Variants in PPDPFL observed in about 807,000 individuals in gnomAD.
The protein encoded by PPDPFL is pancreatic progenitor cell differentiation and proliferation factor-like protein.
In PPDPFL, 12 loss-of-function variants were observed where a neutral mutation model predicts 12.6. That is an observed-to-expected ratio of 0.95 (90% CI 0.61 to 1.54). The LOEUF (loss-of-function observed/expected upper bound fraction) is 1.54. Ranked by LOEUF, PPDPFL falls within the 40% of genes most tolerant of loss-of-function variation. The pLI is 0.00. For synonymous variants in PPDPFL, 24 were observed against 32.7 expected (o/e 0.73, Z 0.91); for missense variants, 114 against 96.0 (o/e 1.19, Z -0.78).
intron 1 of PPDPFL, among the ~76,000 whole-genome samples, chr8:49,058,326 G>C (rs1484084613): frequency 1.3e-5 from 2 of 152,168 alleles, no homozygotes; most frequent in Non-Finnish European, 2.9e-5. Flanking sequence ...GCAGTTCTGG[G>C]ATTTGTTGTT....
At position 49,075,193 on chromosome 8, in the gene PPDPFL, C is replaced by A; in HGVS notation, c.*20C>A. On this transcript the variant is annotated 3_prime_UTR_variant, in exon 5 of 5. Coordinates refer to ENST00000522267, the MANE Select transcript of PPDPFL (RefSeq NM_001256597.2). ...TTGTAGCTGATCATCTTTGCACTGCCATTTGATGAACATGTTGGTAACGGT... is the reference window on the plus strand; with the variant it reads ...TTGTAGCTGATCATCTTTGCACTGCAATTTGATGAACATGTTGGTAACGGT... The A allele has an allele frequency of 6.2e-7, 1 of 1,613,828 alleles. No individual in the cohort carries two copies. Among genetic ancestry groups the A allele is most frequent in the Non-Finnish European group, 8.5e-7 (1 of 1,179,786 alleles).
chr8:49,060,932 G>C (rs1282391191), intron 1 of PPDPFL, among the ~76,000 whole-genome samples: 1 of 152,102 alleles, frequency 6.6e-6, no homozygotes, highest in South Asian at 2.1e-4. Flanking sequence ...ATTTGAACAG[G>C]TGATGCTCAA....
At chr8:49,059,774 C>G (rs1808168071) in intron 1 of PPDPFL, among the ~76,000 whole-genome samples, 1 of 152,174 alleles carries the variant, frequency 6.6e-6, no homozygotes, top group African/African-American at 2.4e-5. Context: ...GATCTTGTTA[C>G]ATAAAACTAT....
At chr8:49,060,766 A>T (rs1421227286) in intron 1 of PPDPFL, among the ~76,000 whole-genome samples, 1 of 152,260 alleles carries the variant, frequency 6.6e-6, no homozygotes, top group Non-Finnish European at 1.5e-5. Flanking sequence ...AATAAAAATG[A>T]ATCAAAATTG....
At chr8:49,059,402 A>C (rs151038093) in intron 1 of PPDPFL, among the ~76,000 whole-genome samples, 260 of 152,274 alleles carry the variant, frequency 1.7e-3, no homozygotes, top group African/African-American at 6.0e-3. Flanking sequence ...AAAACCTCAA[A>C]ATACTTATAC....
chr8:49,074,652 C>T, intron 4 of PPDPFL: 3 of 1,522,372 alleles, frequency 2.0e-6, no homozygotes, highest in South Asian at 2.4e-5. Flanking sequence ...TTGCTCATAC[C>T]TTCAGGAAAA....
intron 1 of PPDPFL, among the ~76,000 whole-genome samples, chr8:49,065,011 G>A (rs1013191466): frequency 6.6e-5 from 10 of 152,118 alleles, no homozygotes; most frequent in Admixed American, 3.3e-4. Flanking sequence ...TATATTGACC[G>A]TTACTCAGAG....
At chr8:49,070,694 C>T (rs1017130388), upstream of PPDPFL, among the ~76,000 whole-genome samples, 4 of 151,992 alleles carry the variant, frequency 2.6e-5, no homozygotes, top group Non-Finnish European at 2.9e-5. Context: ...AAAGGAAGGA[C>T]GGTCAGGTGA....
intron 1 of PPDPFL, among the ~76,000 whole-genome samples, chr8:49,063,115 AC>A (rs1453731301): frequency 2.0e-5 from 3 of 152,228 alleles, no homozygotes; most frequent in Non-Finnish European, 4.4e-5. Context: ...TGTCATCATG[AC>A]ATGCTTGTTA....
chr8:49,072,930 A>C, intron 2 of PPDPFL, 45 bp downstream of exon 2: 5 of 1,505,686 alleles, frequency 3.3e-6, no homozygotes, highest in Non-Finnish European at 4.6e-6. Flanking sequence ...ATATGATTTG[A>C]GGTGATGTTT....
chr8:49,058,385 G>T (rs967091119), intron 1 of PPDPFL, among the ~76,000 whole-genome samples: 1 of 152,194 alleles, frequency 6.6e-6, no homozygotes, highest in Non-Finnish European at 1.5e-5. Flanking sequence ...CACTCTGCTG[G>T]AATATGTGAG....
chr8:49,068,077 G>A (rs905414705), upstream of PPDPFL, among the ~76,000 whole-genome samples: 10 of 152,026 alleles, frequency 6.6e-5, no homozygotes, highest in Non-Finnish European at 1.5e-4. Flanking sequence ...TATTACCCGA[G>A]GATGTAATCC....
At chr8:49,067,495 T>C (rs1808317407), upstream of PPDPFL, among the ~76,000 whole-genome samples, 1 of 152,232 alleles carries the variant, frequency 6.6e-6, no homozygotes, top group Admixed American at 6.5e-5. Flanking sequence ...CAGTCAGATA[T>C]TGATCCTCTC....
At chr8:49,065,443 G>C (rs533874478) in intron 1 of PPDPFL, among the ~76,000 whole-genome samples, 14 of 152,278 alleles carry the variant, frequency 9.2e-5, no homozygotes, top group African/African-American at 3.4e-4. Flanking sequence ...TTACTATTTG[G>C]CAGCCAGGCA....
At chr8:49,063,782 C>T (rs996880885) in intron 1 of PPDPFL, among the ~76,000 whole-genome samples, 2 of 152,096 alleles carry the variant, frequency 1.3e-5, no homozygotes, top group African/African-American at 4.8e-5. Flanking sequence ...CAGGCCCCTA[C>T]AAAAACCAGC....
chr8:49,069,020 A>G (rs959349971), upstream of PPDPFL, among the ~76,000 whole-genome samples: 1 of 152,210 alleles, frequency 6.6e-6, no homozygotes, highest in Non-Finnish European at 1.5e-5. Flanking sequence ...AGGGATACAA[A>G]AAGATATACT....
upstream of PPDPFL, among the ~76,000 whole-genome samples, chr8:49,069,004 A>C (rs984870944): frequency 4.6e-5 from 7 of 152,310 alleles, no homozygotes; most frequent in South Asian, 2.1e-4. Context: ...AGCAAGTTGA[A>C]AATTAAGGGA....
chr8:49,075,340 G>T lies in PPDPFL; in HGVS notation c.*167G>T. The T allele has an allele frequency of 2.2e-6, 3 of 1,360,718 alleles. No individual in the cohort carries two copies. Among genetic ancestry groups the T allele is most frequent in the Admixed American group, 3.4e-5 (2 of 59,598 alleles). The allele number at this position is 1,360,718 out of a possible 1,614,324, so 84.3% of individuals were successfully genotyped here. ...AGCTATTCCAGGACTCTTCTCCATT[G>T]TAAGAAGACAGAAATGTGTCTGAGA... On this transcript the variant is annotated 3_prime_UTR_variant, in exon 5 of 5. Coordinates refer to ENST00000522267, the MANE Select transcript of PPDPFL (RefSeq NM_001256597.2).
At chr8:49,071,788 T>G (rs1349747441), upstream of PPDPFL, among the ~76,000 whole-genome samples, 30 of 152,222 alleles carry the variant, frequency 2.0e-4, no homozygotes, top group Admixed American at 1.4e-3. Context: ...ACCCATGATT[T>G]CCATTTCTCT....
Sources: allele counts gnomAD v4.1 joint callset (sites outside exome capture counted in the v4.1 genomes callset), GRCh38; gene constraint gnomAD v4.1.1; transcripts MANE v1.5; gene names NCBI Gene and HGNC (gene_info 2026-07-23, HGNC 2026-07-21).